Variants in PDE11A observed in about 807,000 individuals in gnomAD.
PDE11A encodes the protein phosphodiesterase 11A.
In PDE11A, 100 loss-of-function variants were observed where a neutral mutation model predicts 100.5. The ratio of observed to expected loss-of-function variants is 1.00; its 90% confidence interval spans 0.85 to 1.18. The LOEUF (loss-of-function observed/expected upper bound fraction) is 1.18, where lower values mean the gene tolerates loss of function less well. PDE11A is among the 50% of genes most tolerant of loss of function. The pLI, the probability that PDE11A is intolerant of heterozygous loss-of-function variation, is 0.00. For synonymous variants in PDE11A, 381 were observed against 420.8 expected (o/e 0.91, Z 1.16); for missense variants, 1,141 against 1,152.6 (o/e 0.99, Z 0.15).
intron 2 of PDE11A, among the ~76,000 whole-genome samples, chr2:177,969,478 ACT>A (rs1255120901): frequency 6.6e-6 from 1 of 152,294 alleles, no homozygotes; most frequent in Non-Finnish European, 1.5e-5. Flanking sequence ...CCATAATTTC[ACT>A]GTTAATGTTG....
intron 3 of PDE11A, among the ~76,000 whole-genome samples, chr2:177,899,293 C>A (rs2084663065): frequency 6.6e-6 from 1 of 152,002 alleles, no homozygotes; most frequent in Admixed American, 6.6e-5. Flanking sequence ...TCCCGTAGTC[C>A]CAGCTACTCT....
At chr2:177,783,328 A>G (rs1003985385) in intron 9 of PDE11A, among the ~76,000 whole-genome samples, 8 of 152,184 alleles carry the variant, frequency 5.3e-5, no homozygotes, top group African/African-American at 1.9e-4. Flanking sequence ...TCACCTTGTT[A>G]TACTTCAGAA....
intron 9 of PDE11A, among the ~76,000 whole-genome samples, chr2:177,803,156 G>C (rs907758522): frequency 1.2e-4 from 18 of 151,668 alleles, no homozygotes; most frequent in African/African-American, 3.9e-4. Context: ...TAAAATTCAG[G>C]AAAAGCAAAG....
chr2:177,947,307 G>A (rs1432988651), intron 2 of PDE11A, among the ~76,000 whole-genome samples: 45 of 147,054 alleles, frequency 3.1e-4, no homozygotes, highest in African/African-American at 1.1e-3. Context: ...TGACAATGGC[G>A]GCTTTGTGGA....
At chr2:177,941,292 C>T (rs539157983) in intron 2 of PDE11A, among the ~76,000 whole-genome samples, 3 of 152,188 alleles carry the variant, frequency 2.0e-5, no homozygotes, top group Non-Finnish European at 4.4e-5. Context: ...CCACCAAGTT[C>T]AATACTTTAC....
chr2:177,776,576 C>G (rs2082380967), intron 9 of PDE11A, among the ~76,000 whole-genome samples: 1 of 152,122 alleles, frequency 6.6e-6, no homozygotes, highest in Non-Finnish European at 1.5e-5. Flanking sequence ...TTCTAATTCC[C>G]AGGACATCAG....
At chr2:177,741,092 A>C (rs2081865301) in intron 10 of PDE11A, among the ~76,000 whole-genome samples, 1 of 152,208 alleles carries the variant, frequency 6.6e-6, no homozygotes. Context: ...AGGCCCTCAG[A>C]AAAAGACAGT....
At chr2:177,960,957 T>C (rs746163863) in intron 2 of PDE11A, among the ~76,000 whole-genome samples, 9 of 152,198 alleles carry the variant, frequency 5.9e-5, no homozygotes, top group East Asian at 5.8e-4. Flanking sequence ...CAATCTTAGA[T>C]AGCAAATGCT....
intron 10 of PDE11A, among the ~76,000 whole-genome samples, chr2:177,757,724 C>T: frequency 6.6e-6 from 1 of 152,092 alleles, no homozygotes; most frequent in East Asian, 1.9e-4. Flanking sequence ...GTGGATGCTG[C>T]TCTGGGAAGG....
In PDE11A at chr2:177,958,608, A is replaced by C. The variant is rs551820794; in HGVS notation, c.1072-53421T>G. ...TCTTTTGGTTTCTGCACTATGAAGG[A>C]AGTACAGAGAATGGCTATCAAAAGA... is the stretch of plus-strand genomic sequence containing the variant. On this transcript the variant is annotated intron_variant, in intron 2 of 19. Transcript: ENST00000286063. Among the ~76,000 whole-genome samples the C allele has an allele frequency of 5.3e-5, 8 of 152,314 alleles. No homozygotes were observed. The South Asian group carries it at 1.7e-3, about 32-fold the overall frequency.
intron 7 of PDE11A, among the ~76,000 whole-genome samples, chr2:177,819,868 T>TTC (rs34374310): frequency 0.41 from 56,923 of 139,090 alleles, 13,570 homozygotes; most frequent in East Asian, 0.64. Context: ...CTTTCTCTCT[T>TTC]TCTCTCTCTC....
chr2:177,638,046 C>A (rs2080076674), intron 19 of PDE11A, among the ~76,000 whole-genome samples: 1 of 134,566 alleles, frequency 7.4e-6, no homozygotes, highest in Admixed American at 8.0e-5. Flanking sequence ...GTCACCCAGG[C>A]TGGAGTGCAG....
intron 13 of PDE11A, among the ~76,000 whole-genome samples, chr2:177,703,368 G>A (rs2081229442): frequency 6.6e-6 from 1 of 152,054 alleles, no homozygotes; most frequent in Admixed American, 6.6e-5. Flanking sequence ...CTTTTCCAAG[G>A]TCACACAGCT....
upstream of PDE11A, among the ~76,000 whole-genome samples, chr2:178,073,803 T>G (rs181934490): frequency 3.3e-5 from 5 of 152,312 alleles, no homozygotes; most frequent in Admixed American, 3.3e-4. Flanking sequence ...CAAGTGCCTA[T>G]TTTAAAATCT....
intron 2 of PDE11A, among the ~76,000 whole-genome samples, chr2:178,084,961 A>T (rs2087330690): frequency 6.6e-6 from 1 of 152,160 alleles, no homozygotes; most frequent in South Asian, 2.1e-4. Flanking sequence ...AAACATCAGG[A>T]GCTTCTTCCA....
chr2:178,060,821 TTTA>T (rs930558729), intron 1 of PDE11A, among the ~76,000 whole-genome samples: 3 of 152,048 alleles, frequency 2.0e-5, no homozygotes, highest in African/African-American at 7.2e-5. Context: ...GGATTGATAA[TTTA>T]TTATTATTAT....
At chr2:177,646,966 T>G (rs2080232051) in intron 19 of PDE11A, among the ~76,000 whole-genome samples, 2 of 152,290 alleles carry the variant, frequency 1.3e-5, no homozygotes, top group East Asian at 3.9e-4. Flanking sequence ...GTTAGTTGGA[T>G]TTTCAGAGCA....
chr2:178,037,205 G>A (rs1366385281), intron 1 of PDE11A, among the ~76,000 whole-genome samples: 3 of 152,128 alleles, frequency 2.0e-5, no homozygotes, highest in Non-Finnish European at 4.4e-5. Context: ...ATGAAACAGT[G>A]GGCAAAGGCT....
intron 4 of PDE11A, among the ~76,000 whole-genome samples, chr2:177,888,148 C>T (rs2084471667): frequency 6.6e-6 from 1 of 152,162 alleles, no homozygotes; most frequent in Non-Finnish European, 1.5e-5. Flanking sequence ...ATTTGCTAAG[C>T]TGCTATTAAA....
Sources: gnomAD v4.1 joint callset for allele counts (sites outside exome capture counted in the v4.1 genomes callset) on GRCh38, gnomAD v4.1.1 for gene constraint, MANE v1.5 for transcripts, NCBI Gene and HGNC (gene_info 2026-07-23, HGNC 2026-07-21) for gene names.